UBE3C: variants seen among roughly 807,000 people sequenced by gnomAD.
UBE3C encodes ubiquitin-protein ligase E3C.
Under a neutral mutation model 129.4 loss-of-function variants are expected in UBE3C, and 42 were observed. That is an observed-to-expected ratio of 0.32 (90% CI 0.25 to 0.42). UBE3C has a LOEUF of 0.42. Among genes scored for constraint, UBE3C ranks in the 10% least tolerant of loss-of-function variants. UBE3C has a pLI of 1.00. For missense variants in UBE3C, 1,049 were observed against 1,319.1 expected (o/e 0.80, Z 3.17); for synonymous variants, 510 against 492.4 (o/e 1.04, Z -0.47).
intron 11 of UBE3C, among the ~76,000 whole-genome samples, chr7:157,204,977 A>G (rs562801444): frequency 2.8e-4 from 43 of 152,342 alleles, no homozygotes; most frequent in African/African-American, 1.0e-3. Context: ...AGATCTAGAC[A>G]GAGGTTAGGG....
chr7:157,182,238 CTGT>C lies in UBE3C; in HGVS notation c.906_908del (p.Leu303del). On this transcript the variant is annotated inframe_deletion, in exon 8 of 23. Coordinates refer to ENST00000348165, the MANE Select transcript of UBE3C (RefSeq NM_014671.3). The stretch of plus-strand genomic sequence containing the variant: ...CCCTTACGAGCCCTTTCTGAATGCA[CTGT>C]TGTTAATAGAGAGTAGATGTTCAAG... The C allele has an allele frequency of 6.2e-7, 1 of 1,614,222 alleles. No individual in the cohort carries two copies. The highest frequency in any genetic ancestry group is 8.5e-7 in the Non-Finnish European group (1 of 1,180,040).
chr7:157,183,389 T>TG (rs1411323573), intron 8 of UBE3C, among the ~76,000 whole-genome samples: 1 of 152,164 alleles, frequency 6.6e-6, no homozygotes, highest in Admixed American at 6.5e-5. Context: ...TGTGCGGGAA[T>TG]GGGGAGCTTC....
intron 22 of UBE3C, among the ~76,000 whole-genome samples, chr7:157,261,304 CTGAAA>C: frequency 3.0e-5 from 1 of 32,916 alleles, no homozygotes; most frequent in Non-Finnish European, 5.4e-5. Context: ...AAAACTCTGT[CTGAAA>C]AAAAAAAAAA....
intron 18 of UBE3C, among the ~76,000 whole-genome samples, chr7:157,243,722 T>C (rs1194078484): frequency 6.6e-6 from 1 of 152,170 alleles, no homozygotes; most frequent in Non-Finnish European, 1.5e-5. Context: ...AATAGGATTG[T>C]GAAGATCTAG....
At chr7:157,145,965 G>A (rs1190095449) in intron 1 of UBE3C, among the ~76,000 whole-genome samples, 2 of 151,998 alleles carry the variant, frequency 1.3e-5, no homozygotes, top group Non-Finnish European at 2.9e-5. Context: ...TGCTTCTCGC[G>A]TTGTGTCTAA....
At chr7:157,241,171 GA>G (rs935541384) in intron 18 of UBE3C, among the ~76,000 whole-genome samples, 1 of 152,160 alleles carries the variant, frequency 6.6e-6, no homozygotes, top group Non-Finnish European at 1.5e-5. Context: ...GAGGATCACA[GA>G]GCGCTGCAGG....
rs779575540 is a variant in UBE3C, at chr7:157,170,355, G to A, written c.247G>A (p.Gly83Arg). Residue 83 changes from glycine to arginine, a missense_variant, in exon 4 of 23, where the codon GGG becomes AGG. Around this residue, in one of 4 missense-constraint regions of UBE3C, gnomAD observed 489 missense variants for 513.8 expected, o/e 0.95. Coordinates refer to ENST00000348165, the MANE Select transcript of UBE3C (RefSeq NM_014671.3). ...FDRCATLSQS[G>R]GAFPIANGPN... ...TCGCTGTGCTACCTTGTCACAGTCC[G>A]GGGGCGCTTTTCCCATTGCTAATGG... is the stretch of plus-strand genomic sequence containing the variant. The A allele has an allele frequency of 8.9e-6, 14 of 1,574,666 alleles. No individual in the cohort carries two copies. Among genetic ancestry groups the A allele is most frequent in the Admixed American group, 1.9e-5 (1 of 51,442 alleles).
chr7:157,163,922 G>A, intron 2 of UBE3C, 59 bp downstream of exon 2: 1 of 1,542,906 alleles, frequency 6.5e-7, no homozygotes, highest in African/African-American at 1.4e-5. Flanking sequence ...ATTTAAACAT[G>A]CCTTGGTTTT....
chr7:157,259,030 A>G (rs76505209), intron 22 of UBE3C, among the ~76,000 whole-genome samples: 2,296 of 152,346 alleles, frequency 0.015, 56 homozygotes, highest in African/African-American at 0.051. Context: ...AACGGCCACA[A>G]TTAAATTATT....
chr7:157,182,685 A>G (rs1275077898), intron 8 of UBE3C, among the ~76,000 whole-genome samples: 1 of 151,970 alleles, frequency 6.6e-6, no homozygotes, highest in South Asian at 2.1e-4. Flanking sequence ...AAACATACAT[A>G]CATACATACA....
chr7:157,223,600 A>G (rs1795796122), intron 16 of UBE3C, among the ~76,000 whole-genome samples: 1 of 152,136 alleles, frequency 6.6e-6, no homozygotes, highest in African/African-American at 2.4e-5. Context: ...TCTTATAATG[A>G]GGGTCTAACG....
chr7:157,151,259 A>G (rs1415729778), intron 1 of UBE3C, among the ~76,000 whole-genome samples: 6 of 152,244 alleles, frequency 3.9e-5, no homozygotes. Context: ...TTTCTGCCTC[A>G]GCCTATTAGG....
intron 18 of UBE3C, among the ~76,000 whole-genome samples, chr7:157,232,791 A>G (rs569348016): frequency 1.1e-4 from 17 of 152,368 alleles, no homozygotes; most frequent in Non-Finnish European, 2.1e-4. Context: ...CGAGAAGCAT[A>G]GTGCATGGAG....
At position 157,223,127 on chromosome 7, in the gene UBE3C, T is replaced by C. The variant is rs1795783637; in HGVS notation, c.2003-127T>C. On this transcript the variant is annotated intron_variant, in intron 15 of 22. Coordinates refer to ENST00000348165, the MANE Select transcript of UBE3C (RefSeq NM_014671.3). ...GGGTCTGCCTGAGGCGGGGATGTGT[T>C]CATGGAACTGGATTTAGATAAATGA... The C allele has an allele frequency of 5.1e-6, 5 of 971,328 alleles. No homozygotes were observed. In the East Asian group the frequency reaches 1.3e-4, roughly 25 times the overall value. 60.2% of individuals were successfully genotyped at this position (971,328 alleles called of 1,614,324 possible). A position where few individuals can be genotyped will look rare whatever the true frequency, so the allele number is the denominator to read the frequency against.
At chr7:157,185,024 T>C (rs1232164509) in intron 9 of UBE3C, among the ~76,000 whole-genome samples, 1 of 152,270 alleles carries the variant, frequency 6.6e-6, no homozygotes, top group Non-Finnish European at 1.5e-5. Context: ...TTTTTTTGTA[T>C]GTTTATAAAA....
intron 5 of UBE3C, among the ~76,000 whole-genome samples, chr7:157,176,555 G>A (rs889353001): frequency 1.8e-4 from 28 of 152,206 alleles, no homozygotes; most frequent in African/African-American, 6.5e-4. Context: ...GATTACAGGC[G>A]TGAGCCACCG....
intron 21 of UBE3C, chr7:157,256,541 G>A (rs1409059131): frequency 6.3e-6 from 1 of 159,012 alleles, no homozygotes; most frequent in African/African-American, 2.4e-5. Context: ...GGGAGGCAGA[G>A]AATTCCGCTT....
At chr7:157,158,048 T>C (rs1056269644) in intron 1 of UBE3C, among the ~76,000 whole-genome samples, 5 of 140,698 alleles carry the variant, frequency 3.6e-5, no homozygotes, top group African/African-American at 1.4e-4. Context: ...CACTCTTTTT[T>C]CCTTTTTTTT....
At chr7:157,152,368 G>A (rs1807780998) in intron 1 of UBE3C, among the ~76,000 whole-genome samples, 1 of 152,110 alleles carries the variant, frequency 6.6e-6, no homozygotes, top group Non-Finnish European at 1.5e-5. Flanking sequence ...ATGCGTGGGG[G>A]GCAGTTTGGG....
Sources: gnomAD v4.1 joint callset for allele counts (sites outside exome capture counted in the v4.1 genomes callset) on GRCh38, gnomAD v4.1.1 for gene constraint, gnomAD v4.1.1 regional missense constraint, MANE v1.5 for transcripts, NCBI Gene and HGNC (gene_info 2026-07-23, HGNC 2026-07-21) for gene names.